TRIM6: variants seen among roughly 807,000 people sequenced by gnomAD.
TRIM6 encodes tripartite motif-containing protein 6.
Under a neutral mutation model 51.2 loss-of-function variants are expected in TRIM6, and 43 were observed. The observed-to-expected ratio is 0.84, with a 90% CI of 0.66 to 1.08. The LOEUF is 1.08. TRIM6 is among the 50% of genes least tolerant of loss of function. TRIM6 has a pLI of 0.00. For synonymous variants in TRIM6, 215 were observed against 232.4 expected (o/e 0.93, Z 0.68); for missense variants, 669 against 619.0 (o/e 1.08, Z -0.86).
At position 5,603,565 on chromosome 11, in the gene TRIM6, G is replaced by A; in HGVS notation, c.337G>A (p.Val113Met). The change falls in exon 2 of 8, where the codon GTG becomes ATG. Residue 113 changes from valine (V) to methionine (M), a missense_variant. Physicochemically the swap from Val to Met is conservative, Grantham distance 21. Transcript: ENST00000380097. The stretch of plus-strand genomic sequence containing the variant: ...CATAGTGAGGCGGCTCAGAGAGGTA[G>A]TGTTGGGCCCTGGGAAGCAGCTGAA... ...ANIVRRLREV[V>M]LGPGKQLKAV... 6.2e-7 allele frequency: 1 copy of A among 1,614,056 alleles called. No homozygotes were observed. Among genetic ancestry groups the A allele is most frequent in the Non-Finnish European group, 8.5e-7 (1 of 1,180,018 alleles).
chr11:5,602,065 T>C (rs72880092), intron 1 of TRIM6, among the ~76,000 whole-genome samples: 10,172 of 152,180 alleles, frequency 0.067, 367 homozygotes, highest in South Asian at 0.11. Flanking sequence ...GATACAACCA[T>C]GAACAAAAAG....
chr11:5,600,860 G>T (rs1187437144), intron 1 of TRIM6, among the ~76,000 whole-genome samples: 2 of 152,084 alleles, frequency 1.3e-5, no homozygotes, highest in Non-Finnish European at 2.9e-5. Flanking sequence ...CTCTTCTTTG[G>T]TGGCCCAAAC....
At position 5,605,429 on chromosome 11, in the gene TRIM6, G is replaced by T. The variant is rs200396157; in HGVS notation, c.696G>T (p.Lys232Asn). The change falls in exon 4 of 8, where the codon AAG becomes AAT. Residue 232 changes from lysine (K) to asparagine (N), a missense_variant. Lys to Asn is a moderately conservative substitution (Grantham distance 94, BLOSUM62 0). Coordinates refer to ENST00000380097, the MANE Select transcript of TRIM6 (RefSeq NM_001003818.3). ...LDRVEQRELK[K>N]LEQEEKKGLR... The stretch of plus-strand genomic sequence containing the variant: ...GAGTGGAGCAACGGGAGCTGAAAAA[G>T]CTGGAACAGGAAGAGAAGAAGGGGC... The T allele has an allele frequency of 1.4e-4, 227 of 1,614,184 alleles. No individual in the cohort carries two copies. Among genetic ancestry groups the T allele is most frequent in the Non-Finnish European group, 1.7e-4 (198 of 1,180,044 alleles).
At position 5,604,568 on chromosome 11, in the gene TRIM6, A is replaced by G; in HGVS notation, c.542A>G (p.Asn181Ser). 1 of 1,613,344 alleles carries G rather than the reference A, an allele frequency of 6.2e-7. No individual in the cohort carries two copies. ...CAGGAGTCTCTAAAGAAGCTGAAGA[A>G]CGAGGAGCAGGAAGCTGAGAAGCTA... ...KFQESLKKLK[N>S]EEQEAEKLTA... Residue 181 changes from asparagine to serine, a missense_variant, in exon 3 of 8, where the codon AAC becomes AGC. Transcript: ENST00000380097.
At position 5,611,504 on chromosome 11, in the gene TRIM6, A is replaced by T; in HGVS notation, c.*162A>T. On this transcript the variant is annotated 3_prime_UTR_variant, in exon 8 of 8. Coordinates refer to ENST00000380097, the MANE Select transcript of TRIM6 (RefSeq NM_001003818.3). ...AATCTCGCTCTGTCGCCCAGGCTGG[A>T]GTGCACTGGCGCAATCTCGGCTCAC... is the stretch of plus-strand genomic sequence containing the variant. 2 of 668,824 alleles carry T rather than the reference A, an allele frequency of 3.0e-6. No homozygotes were observed. Among genetic ancestry groups the T allele is most frequent in the South Asian group, 2.0e-5 (1 of 49,914 alleles). The allele number at this position is 668,824 out of a possible 1,614,324, so 41.4% of individuals were successfully genotyped here. A position where few individuals can be genotyped will look rare whatever the true frequency, so the allele number is the denominator to read the frequency against.
Position 5,603,541 on chromosome 11 carries a change from A to T in TRIM6, c.313A>T (p.Ile105Leu). Residue 105 changes from isoleucine (I) to leucine (L), a missense_variant, in exon 2 of 8, where the codon ATA (isoleucine) becomes TTA (leucine). Coordinates refer to ENST00000380097, the MANE Select transcript of TRIM6 (RefSeq NM_001003818.3). ...NLRPNRHLAN[I>L]VRRLREVVLG... Reference sequence around the variant, plus strand: ...GCGGCCTAATCGGCATCTGGCCAACATAGTGAGGCGGCTCAGAGAGGTAGT... The same window carrying T: ...GCGGCCTAATCGGCATCTGGCCAACTTAGTGAGGCGGCTCAGAGAGGTAGT... 6.2e-7 allele frequency: 1 copy of T among 1,614,098 alleles called. No individual in the cohort carries two copies. Among genetic ancestry groups the T allele is most frequent in the South Asian group, 1.1e-5 (1 of 91,068 alleles).
intron 1 of TRIM6, among the ~76,000 whole-genome samples, chr11:5,597,349 G>C (rs1013348535): frequency 6.6e-6 from 1 of 152,128 alleles, no homozygotes; most frequent in Non-Finnish European, 1.5e-5. Context: ...TCCATGCCTA[G>C]CTTTAAAAAA....
intron 1 of TRIM6, among the ~76,000 whole-genome samples, chr11:5,601,178 G>A (rs1192598698): frequency 1.3e-5 from 2 of 152,056 alleles, no homozygotes; most frequent in South Asian, 2.1e-4. Flanking sequence ...TCCATACTTC[G>A]AAAGCACTTG....
chr11:5,606,327 T>G (rs720677), intron 4 of TRIM6, among the ~76,000 whole-genome samples: 3,570 of 152,268 alleles, frequency 0.023, 145 homozygotes, highest in African/African-American at 0.082. Context: ...CTAGAGAGAT[T>G]TGATGGAGGG....
chr11:5,605,980 C>T (rs1011808343), intron 4 of TRIM6, among the ~76,000 whole-genome samples: 1 of 152,084 alleles, frequency 6.6e-6, no homozygotes, highest in African/African-American at 2.4e-5. Context: ...GCAGCACCAC[C>T]CCAGATGTGA....
intron 1 of TRIM6, among the ~76,000 whole-genome samples, chr11:5,598,959 G>A (rs1452884058): frequency 1.3e-5 from 2 of 152,102 alleles, no homozygotes; most frequent in African/African-American, 2.4e-5. Flanking sequence ...GCCCTTTGCA[G>A]TTCAAACTTT....
chr11:5,609,860 T>C (rs958264224), intron 5 of TRIM6, among the ~76,000 whole-genome samples: 1 of 152,022 alleles, frequency 6.6e-6, no homozygotes, highest in Non-Finnish European at 1.5e-5. Context: ...GAGGTGGAGG[T>C]TGCAGTGAGC....
chr11:5,596,645 T>G lies in TRIM6; in HGVS notation c.-253T>G. Reference sequence around the variant, plus strand: ...GCGGCCCGACTCCTCCCAGAAGGAGTTGGGAGATGAGCCTTCCGCAAACTC... The same window carrying G: ...GCGGCCCGACTCCTCCCAGAAGGAGGTGGGAGATGAGCCTTCCGCAAACTC... On this transcript the variant is annotated 5_prime_UTR_variant, in exon 1 of 8. Coordinates refer to ENST00000380097, the MANE Select transcript of TRIM6 (RefSeq NM_001003818.3). The G allele has an allele frequency of 2.2e-6, 1 of 452,082 alleles. No homozygotes were observed. The highest frequency in any genetic ancestry group is 4.5e-5 in the Admixed American group (1 of 22,350). The allele number at this position is 452,082 out of a possible 1,614,324, so 28.0% of individuals were successfully genotyped here. A position where few individuals can be genotyped will look rare whatever the true frequency, so the allele number is the denominator to read the frequency against.
intron 1 of TRIM6, among the ~76,000 whole-genome samples, chr11:5,599,952 GC>G (rs200603533): frequency 0.011 from 1,703 of 152,270 alleles, 35 homozygotes; most frequent in Middle Eastern, 0.048. Context: ...GCCTTATAGT[GC>G]AGTGTGCTAA....
intron 4 of TRIM6, among the ~76,000 whole-genome samples, chr11:5,607,014 T>C (rs1848253792): frequency 2.0e-5 from 3 of 152,040 alleles, no homozygotes; most frequent in African/African-American, 4.8e-5. Context: ...CCATCCTGGC[T>C]AACACGGTGA....
Position 5,603,591 on chromosome 11 carries a change from A to G in TRIM6, c.363A>G (p.Lys121=), listed in dbSNP as rs139606995. 5 of 1,613,804 alleles carry G rather than the reference A, an allele frequency of 3.1e-6. No homozygotes were observed. The highest frequency in any genetic ancestry group is 4.2e-6 in the Non-Finnish European group (5 of 1,180,008). Residue 121 remains lysine (K), a synonymous_variant, in exon 2 of 8, where the codon AAA becomes AAG. Transcript: ENST00000380097. ...EVVLGPGKQL[K]AVLCADHGEK... ...TGTTGGGCCCTGGGAAGCAGCTGAA[A>G]GCAGTTCTTTGTGCAGACCATGGAG...
In TRIM6 at chr11:5,598,844, A is replaced by G. The variant is rs541875505; in HGVS notation, c.17+1930A>G. ...AGTAAGTTACAAATTGTAAGCATAC[A>G]GTTCTGTGAATTTTCACAGTTGCAG... On this transcript the variant is annotated intron_variant, in intron 1 of 7. Transcript: ENST00000380097. 7.9e-5 allele frequency among the ~76,000 whole-genome samples: 12 copies of G among 152,338 alleles called. No homozygotes were observed. The South Asian group carries it at 2.5e-3, about 32-fold the overall frequency.
intron 1 of TRIM6, among the ~76,000 whole-genome samples, chr11:5,597,448 T>G (rs1285873314): frequency 6.6e-6 from 1 of 152,230 alleles, no homozygotes; most frequent in Non-Finnish European, 1.5e-5. Context: ...TTTTTTGTTT[T>G]GAAACTGATT....
Position 5,610,994 on chromosome 11 carries a change from C to G in TRIM6, c.1203C>G (p.Ser401Arg), listed in dbSNP as rs1319863028. 2 of 1,614,002 alleles carry G rather than the reference C, an allele frequency of 1.2e-6. No homozygotes were observed. Among genetic ancestry groups the G allele is most frequent in the African/African-American group, 1.3e-5 (1 of 74,904 alleles). The change falls in exon 8 of 8, where the codon AGC (serine) becomes AGG (arginine). Residue 401 changes from serine to arginine, a missense_variant. Coordinates refer to ENST00000380097, the MANE Select transcript of TRIM6 (RefSeq NM_001003818.3). The part of the protein sequence containing the change: ...KKTAWILGVC[S>R]NSLGPTFSFN... ...CTGCCTGGATCCTGGGGGTATGCAG[C>G]AATTCACTGGGACCTACATTCTCTT...
Sources: gnomAD v4.1 joint callset for allele counts (sites outside exome capture counted in the v4.1 genomes callset) on GRCh38, gnomAD v4.1.1 for gene constraint, MANE v1.5 for transcripts, NCBI Gene and HGNC (gene_info 2026-07-23, HGNC 2026-07-21) for gene names.